EML6: variants seen among roughly 807,000 people sequenced by gnomAD.
The protein encoded by EML6 is EMAP like 6.
In EML6, 154 loss-of-function variants were observed where a neutral mutation model predicts 240.1. That is an observed-to-expected ratio of 0.64 (90% CI 0.56 to 0.73). The LOEUF is 0.73. Among genes scored for constraint, EML6 ranks in the 30% least tolerant of loss-of-function variants. The pLI, the probability that EML6 is intolerant of heterozygous loss-of-function variation, is 0.00. For missense variants in EML6, 2,964 were observed against 2,474.6 expected, an observed-to-expected ratio of 1.20 and a Z score of -4.20; for synonymous variants, 1,148 against 899.0, an observed-to-expected ratio of 1.28 and a Z score of -4.95.
chr2:54,808,425 G>A (rs1017499225), intron 2 of EML6, among the ~76,000 whole-genome samples: 3 of 151,930 alleles, frequency 2.0e-5, no homozygotes, highest in Non-Finnish European at 2.9e-5. Flanking sequence ...ATTTTGATGT[G>A]CCTCTGCCTC....
At chr2:54,901,879 T>C (rs1478403591) in intron 22 of EML6, among the ~76,000 whole-genome samples, 1 of 152,222 alleles carries the variant, frequency 6.6e-6, no homozygotes, top group African/African-American at 2.4e-5. Context: ...CAGTTTCCTT[T>C]TAGACATACC....
At chr2:54,899,587 G>A in intron 21 of EML6, 54 bp from the exon 22 acceptor site, 1 of 1,516,062 alleles carries the variant, frequency 6.6e-7, no homozygotes. Context: ...GCTAAAGAAG[G>A]GCTAGCCAAA....
intron 2 of EML6, among the ~76,000 whole-genome samples, chr2:54,768,116 T>C (rs1184757117): frequency 6.6e-6 from 1 of 152,128 alleles, no homozygotes; most frequent in East Asian, 1.9e-4. Flanking sequence ...ACCTCCTCAT[T>C]GGTGATATCC....
chr2:54,855,028 A>C (rs1277397555), intron 11 of EML6, among the ~76,000 whole-genome samples: 1 of 152,236 alleles, frequency 6.6e-6, no homozygotes, highest in Non-Finnish European at 1.5e-5. Flanking sequence ...GATATCCTAT[A>C]CATCCCAAGT....
rs1210737477 is a variant in EML6, at chr2:54,737,354, A to G, written c.197+12096A>G. 2.0e-5 allele frequency among the ~76,000 whole-genome samples: 3 copies of G among 152,136 alleles called. No individual in the cohort carries two copies. In the East Asian group the frequency reaches 5.8e-4, roughly 29 times the overall value. Reference sequence around the variant, plus strand: ...CACTCTGTTACCCAGGTTGGAGTGCAGTGGCGCGATCTCGGCTCACTGCAA... The same window carrying G: ...CACTCTGTTACCCAGGTTGGAGTGCGGTGGCGCGATCTCGGCTCACTGCAA... On this transcript the variant is annotated intron_variant, in intron 2 of 41. Transcript: ENST00000356458.
chr2:54,727,326 GCA>G (rs1470286347), intron 2 of EML6, among the ~76,000 whole-genome samples: 1 of 138,112 alleles, frequency 7.2e-6, no homozygotes, highest in Admixed American at 8.4e-5. Flanking sequence ...GCAGAGCAGA[GCA>G]GAGTTCCTTA....
At chr2:54,851,325 A>AT (rs2103755401) in intron 10 of EML6, among the ~76,000 whole-genome samples, 1 of 152,284 alleles carries the variant, frequency 6.6e-6, no homozygotes, top group South Asian at 2.1e-4. Context: ...AGGCGGCAGA[A>AT]TTGCTTGAAC....
intron 2 of EML6, among the ~76,000 whole-genome samples, chr2:54,805,202 A>C (rs930058813): frequency 6.6e-6 from 1 of 152,200 alleles, no homozygotes; most frequent in Non-Finnish European, 1.5e-5. Context: ...ATGATAATCT[A>C]TCCATTCACT....
rs1167509284 is a variant in EML6 at position 54,959,379 on chromosome 2, T to C, written c.4853+118T>C. 7.0e-6 allele frequency: 7 copies of C among 1,002,182 alleles called. No individual in the cohort carries two copies. In the Admixed American group the frequency reaches 2.0e-4, roughly 29 times the overall value. The allele number at this position is 1,002,182 out of a possible 1,614,324, so 62.1% of individuals were successfully genotyped here. On this transcript the variant is annotated intron_variant, in intron 34 of 41. Coordinates refer to ENST00000356458, the MANE Select transcript of EML6 (RefSeq NM_001039753.4). The stretch of plus-strand genomic sequence containing the variant: ...TGTCATCCTCCTATCTTTTTTGCAT[T>C]AGGAAGATCAGTCTGCTCTCTCTCC...
rs183055360 is a variant in EML6 at position 54,939,338 on chromosome 2, G to C, written c.4005-9544G>C. ...CCTTGCCCCAGACTGCATCTCAGTG[G>C]TGTTGAGGGTAGTTGTCTGCTTTGT... On this transcript the variant is annotated intron_variant, in intron 28 of 41. Coordinates refer to ENST00000356458, the MANE Select transcript of EML6 (RefSeq NM_001039753.4). Among the ~76,000 whole-genome samples, 92 of 152,342 alleles carry C rather than the reference G, an allele frequency of 6.0e-4. 1 individual carries two copies. Among genetic ancestry groups the C allele is most frequent in the African/African-American group, 2.2e-3 (92 of 41,574 alleles).
intron 2 of EML6, among the ~76,000 whole-genome samples, chr2:54,726,548 G>T (rs1682916954): frequency 6.6e-6 from 1 of 152,078 alleles, no homozygotes; most frequent in Non-Finnish European, 1.5e-5. Flanking sequence ...TTGAAGATGG[G>T]AGTGCTAATG....
intron 2 of EML6, among the ~76,000 whole-genome samples, chr2:54,782,143 C>CT (rs1460490784): frequency 6.6e-6 from 1 of 152,104 alleles, no homozygotes; most frequent in East Asian, 1.9e-4. Flanking sequence ...TATGTTCTAA[C>CT]TAAGTTTTAT....
intron 2 of EML6, among the ~76,000 whole-genome samples, chr2:54,773,536 T>G (rs572134498): frequency 1.0e-3 from 153 of 152,364 alleles, no homozygotes; most frequent in Middle Eastern, 3.4e-3. Flanking sequence ...TATTCATCTT[T>G]GGAGGGGAAT....
chr2:54,813,769 C>A (rs112398446), intron 3 of EML6, among the ~76,000 whole-genome samples: 1 of 152,318 alleles, frequency 6.6e-6, no homozygotes, highest in South Asian at 2.1e-4. Flanking sequence ...TCTGTAGTAC[C>A]TCTTGCTTTC....
At chr2:54,890,935 A>G (rs1672433303) in intron 17 of EML6, 119 bp from the exon 18 acceptor site, 2 of 475,330 alleles carry the variant, frequency 4.2e-6, no homozygotes, top group Non-Finnish European at 3.7e-6. Flanking sequence ...ATTTTAAACC[A>G]TTTTCTAATT....
intron 28 of EML6, among the ~76,000 whole-genome samples, chr2:54,945,687 T>C (rs1675662447): frequency 6.6e-6 from 1 of 152,188 alleles, no homozygotes; most frequent in Non-Finnish European, 1.5e-5. Context: ...CATTGTGTGC[T>C]CTGCTCCACC....
At chr2:54,749,842 T>C (rs946137399) in intron 2 of EML6, among the ~76,000 whole-genome samples, 2 of 152,192 alleles carry the variant, frequency 1.3e-5, no homozygotes, top group Admixed American at 1.3e-4. Flanking sequence ...TCAGTTATTG[T>C]CATCTGATGG....
rs994995069 is a variant in EML6 at position 54,957,984 on chromosome 2, G to A, written c.4681G>A (p.Val1561Met). Residue 1561 changes from valine to methionine, a missense_variant, in exon 33 of 42, where the codon GTG (valine) becomes ATG (methionine). Transcript: ENST00000356458. Reference sequence around the variant, plus strand: ...TGCCAAAATGCAGACGATGCTCTCCGTGGCCTTCGGTGCTGTGAGTTCTAG... The same window carrying A: ...TGCCAAAATGCAGACGATGCTCTCCATGGCCTTCGGTGCTGTGAGTTCTAG... Reference protein sequence around the residue: ...GAAKMQTMLSVAFGANNLTFT... With the variant: ...GAAKMQTMLSMAFGANNLTFT... The A allele has an allele frequency of 5.6e-5, 87 of 1,550,500 alleles. No individual in the cohort carries two copies. Among genetic ancestry groups the A allele is most frequent in the Non-Finnish European group, 7.0e-5 (80 of 1,146,226 alleles).
Position 54,827,604 on chromosome 2 carries a change from A to G in EML6, c.564A>G (p.Arg188=). Residue 188 remains arginine, a synonymous_variant, in exon 6 of 42, where the codon AGA becomes AGG. Transcript: ENST00000356458. ...GTGGAAATGCCCTGACTGCAAAAAGAGGGATATTTGGCAAAACAGGGGATC... is the reference window on the plus strand; with the variant it reads ...GTGGAAATGCCCTGACTGCAAAAAGGGGGATATTTGGCAAAACAGGGGATC... ...TLCGNALTAK[R]GIFGKTGDLQ... 10 of 1,551,696 alleles carry G rather than the reference A, an allele frequency of 6.4e-6. No homozygotes were observed. The highest frequency in any genetic ancestry group is 8.7e-6 in the Non-Finnish European group (10 of 1,146,996).
Sources: gnomAD v4.1 joint callset for allele counts (sites outside exome capture counted in the v4.1 genomes callset) on GRCh38, gnomAD v4.1.1 for gene constraint, MANE v1.5 for transcripts, NCBI Gene and HGNC (gene_info 2026-07-23, HGNC 2026-07-21) for gene names.